MSL2: variants seen among roughly 807,000 people sequenced by gnomAD.
MSL2 encodes the protein MSL complex subunit 2, also known as E3 ubiquitin-protein ligase MSL2.
A neutral mutation model predicts 35.8 loss-of-function variants in MSL2; 2 were observed. That is an observed-to-expected ratio of 0.06 (90% CI 0.02 to 0.18). The LOEUF (loss-of-function observed/expected upper bound fraction) is 0.18. Ranked by LOEUF, MSL2 falls within the 10% of genes least tolerant of loss-of-function variation. The pLI, the probability that MSL2 is intolerant of heterozygous loss-of-function variation, is 1.00. For missense variants in MSL2, 523 were observed against 706.7 expected (o/e 0.74, Z 2.95); for synonymous variants, 296 against 255.7 (o/e 1.16, Z -1.50).
chr3:136,170,999 G>C lies in MSL2; in HGVS notation c.143-18261C>G, dbSNP rs143616585. Among the ~76,000 whole-genome samples, 48 of 152,248 alleles carry C rather than the reference G, an allele frequency of 3.2e-4. 2 individuals carry two copies. The East Asian group carries it at 8.3e-3, about 26-fold the overall frequency. The stretch of plus-strand genomic sequence containing the variant: ...TGTTTGAGAAAGTATTCTACTTTCT[G>C]TTCCATCCCGAAACATGTCCTAATG... On this transcript the variant is annotated intron_variant, in intron 1 of 1. Transcript: ENST00000309993.
At position 136,152,383 on chromosome 3, in the gene MSL2, G is replaced by A; in HGVS notation, c.498C>T (p.Pro166=). The A allele has an allele frequency of 6.2e-7, 1 of 1,614,164 alleles. No individual in the cohort carries two copies. Among genetic ancestry groups the A allele is most frequent in the Non-Finnish European group, 8.5e-7 (1 of 1,180,030 alleles). ...THSPLPSTSE[P]TTDPQASLSP... is the part of the protein sequence containing the mutation. The stretch of plus-strand genomic sequence containing the variant: ...ATAAACTAGCTTGAGGATCAGTTGT[G>A]GGTTCTGAGGTTGAAGGTAAAGGGG... Residue 166 remains proline (P), a synonymous_variant, in exon 2 of 2, where the codon CCC becomes CCT. Coordinates refer to ENST00000309993, the MANE Select transcript of MSL2 (RefSeq NM_018133.4).
intron 1 of MSL2, among the ~76,000 whole-genome samples, chr3:136,194,211 C>T (rs1209682878): frequency 6.6e-6 from 1 of 152,156 alleles, no homozygotes; most frequent in African/African-American, 2.4e-5. Context: ...GCACAGTTAA[C>T]ATTCAAATTA....
In MSL2 at chr3:136,151,441, G is replaced by A. The variant is rs34227370; in HGVS notation, c.1440C>T (p.Arg480=). 676 of 1,614,238 alleles carry A rather than the reference G, an allele frequency of 4.2e-4. 2 individuals are homozygous for A. The Middle Eastern group carries it at 0.014, about 33-fold the overall frequency. ...NPSVLTCRGQ[R]CPCYSNRKAC... ...CTTTGCGGTTAGAGTAGCAAGGGCA[G>A]CGTTGGCCTCGGCATGTAAGAACAC... is the stretch of plus-strand genomic sequence containing the variant. Residue 480 remains arginine, a synonymous_variant, in exon 2 of 2, where the codon CGC becomes CGT. Transcript: ENST00000309993. This position sits in a 1 kb window ranked among gnomAD's most constrained non-coding sequence, Gnocchi z 5.2.
chr3:136,177,022 G>A (rs920987903), intron 1 of MSL2, among the ~76,000 whole-genome samples: 1 of 152,304 alleles, frequency 6.6e-6, no homozygotes, highest in Middle Eastern at 3.4e-3. Flanking sequence ...AGGCTTCCTA[G>A]CCCAAGTCTG....
intron 1 of MSL2, among the ~76,000 whole-genome samples, chr3:136,179,464 A>G (rs1184630430): frequency 2.6e-5 from 4 of 152,226 alleles, no homozygotes; most frequent in Non-Finnish European, 5.9e-5. Context: ...TTACAGCATG[A>G]GCCATCCTGC....
At chr3:136,154,570 GAA>G (rs145034942) in intron 1 of MSL2, among the ~76,000 whole-genome samples, 1 of 145,268 alleles carries the variant, frequency 6.9e-6, no homozygotes, top group African/African-American at 2.5e-5. Flanking sequence ...AAATCAGTGG[GAA>G]AAAAAAAAAT....
At chr3:136,155,842 G>C in intron 1 of MSL2, 3 of 578,186 alleles carry the variant, frequency 5.2e-6, no homozygotes, top group Non-Finnish European at 1.0e-5. Flanking sequence ...GTAAATGCTG[G>C]CATGGCCAGC....
chr3:136,170,460 C>T (rs924544234), intron 1 of MSL2, among the ~76,000 whole-genome samples: 4 of 150,190 alleles, frequency 2.7e-5, no homozygotes, highest in African/African-American at 9.8e-5. Context: ...ATATACTTCA[C>T]AGCTTTCCAT....
chr3:136,195,988 C>G lies in MSL2; in HGVS notation c.-875G>C, dbSNP rs1218860307. The G allele has an allele frequency of 5.9e-5, 13 of 220,416 alleles. No homozygotes were observed. The East Asian group carries it at 2.4e-3, about 40-fold the overall frequency. The allele number at this position is 220,416 out of a possible 1,614,324, so 13.7% of individuals were successfully genotyped here. A position where few individuals can be genotyped will look rare whatever the true frequency, so the allele number is the denominator to read the frequency against. On this transcript the variant is annotated 5_prime_UTR_variant, in exon 1 of 2. Coordinates refer to ENST00000309993, the MANE Select transcript of MSL2 (RefSeq NM_018133.4). Reference sequence around the variant, plus strand: ...CACTGCCCGGCCATTTTTTCGGCGCCACACACACAGACGACTCCTCCGCCG... The same window carrying G: ...CACTGCCCGGCCATTTTTTCGGCGCGACACACACAGACGACTCCTCCGCCG...
intron 1 of MSL2, among the ~76,000 whole-genome samples, chr3:136,184,636 G>C (rs1940462041): frequency 6.6e-6 from 1 of 150,980 alleles, no homozygotes; most frequent in South Asian, 2.1e-4. Flanking sequence ...AGAATTCCAT[G>C]GTTCTGAACA....
intron 1 of MSL2, among the ~76,000 whole-genome samples, chr3:136,166,651 G>A (rs574688760): frequency 7.9e-5 from 12 of 152,246 alleles, no homozygotes; most frequent in Admixed American, 3.3e-4. Flanking sequence ...AAGATTTACA[G>A]AGCAGTGTAA....
intron 1 of MSL2, among the ~76,000 whole-genome samples, chr3:136,192,222 G>C (rs1267559295): frequency 6.6e-6 from 1 of 152,150 alleles, no homozygotes; most frequent in Non-Finnish European, 1.5e-5. Context: ...GCCCAGTCTG[G>C]AGTGCAGTGG....
Position 136,196,150 on chromosome 3 carries a change from C to G in MSL2, c.-1037G>C, listed in dbSNP as rs992947828. 1 of 152,920 alleles carries G rather than the reference C, an allele frequency of 6.5e-6. No individual in the cohort carries two copies. The highest frequency in any genetic ancestry group is 1.5e-5 in the Non-Finnish European group (1 of 68,556). 9.5% of individuals were successfully genotyped at this position (152,920 alleles called of 1,614,324 possible). A position where few individuals can be genotyped will look rare whatever the true frequency, so the allele number is the denominator to read the frequency against. On this transcript the variant is annotated 5_prime_UTR_variant, in exon 1 of 2. Transcript: ENST00000309993. ...CTCCCCCGTGCCTCGCCGCCCTCAC[C>G]CCGACTCCACGCGCCACTCCAGCTC...
intron 1 of MSL2, among the ~76,000 whole-genome samples, chr3:136,187,908 G>T (rs1238076952): frequency 6.6e-6 from 1 of 151,860 alleles, no homozygotes; most frequent in African/African-American, 2.4e-5. Flanking sequence ...GCTTTTAGGT[G>T]ATTTTGATTC....
At chr3:136,183,390 A>AC (rs1940423685) in intron 1 of MSL2, among the ~76,000 whole-genome samples, 1 of 152,212 alleles carries the variant, frequency 6.6e-6, no homozygotes, top group South Asian at 2.1e-4. Context: ...GGGAGGCCCC[A>AC]CCTCTATGAA....
At position 136,195,634 on chromosome 3, in the gene MSL2, G is replaced by A. The variant is rs9845457; in HGVS notation, c.-521C>T. 564,390 of 985,938 alleles carry A rather than the reference G, an allele frequency of 0.57. 168,506 individuals are homozygous for A. Among genetic ancestry groups the A allele is most frequent in the East Asian group, 0.81 (7,131 of 8,824 alleles). The allele number at this position is 985,938 out of a possible 1,614,324, so 61.1% of individuals were successfully genotyped here. On this transcript the variant is annotated 5_prime_UTR_variant, in exon 1 of 2. Coordinates refer to ENST00000309993, the MANE Select transcript of MSL2 (RefSeq NM_018133.4). ...GCGGCGACGGCAAGGACGACGGTCG[G>A]GCAGCGGCTTCCCGGATCTAGTGCA...
Position 136,152,136 on chromosome 3 carries a change from T to G in MSL2, c.745A>C (p.Thr249Pro), listed in dbSNP as rs1200214675. ...CTGAAACTGCAGATATCAATGCCTG[T>G]GGAACATAAGTCAGTGGCTACTGTG... Reference protein sequence around the residue: ...CDTVATDLCSTGIDICSFSED... With the variant: ...CDTVATDLCSPGIDICSFSED... The change falls in exon 2 of 2, where the codon ACA becomes CCA. Residue 249 changes from threonine (T) to proline (P), a missense_variant. Thr to Pro is a conservative substitution (Grantham distance 38). Transcript: ENST00000309993. 1.2e-6 allele frequency: 2 copies of G among 1,614,192 alleles called. No homozygotes were observed. Among genetic ancestry groups the G allele is most frequent in the Admixed American group, 3.3e-5 (2 of 60,014 alleles).
intron 1 of MSL2, among the ~76,000 whole-genome samples, chr3:136,177,680 T>TAAAAAAAAAAAAAAA (rs397738424): frequency 2.5e-5 from 2 of 78,472 alleles, no homozygotes; most frequent in African/African-American, 1.1e-4. Flanking sequence ...CTCCGTCTCA[T>TAAAAAAAAAAAAAAA]AAAAAAAAAA....
At chr3:136,161,816 G>C (rs1939714037) in intron 1 of MSL2, among the ~76,000 whole-genome samples, 1 of 152,008 alleles carries the variant, frequency 6.6e-6, no homozygotes, top group Non-Finnish European at 1.5e-5. Flanking sequence ...TTTAAGACAA[G>C]GCACCAATAG....
Sources: allele counts gnomAD v4.1 joint callset (sites outside exome capture counted in the v4.1 genomes callset), GRCh38; gene constraint gnomAD v4.1.1; non-coding constraint Gnocchi (gnomAD v3.1); transcripts MANE v1.5; gene names NCBI Gene and HGNC (gene_info 2026-07-23, HGNC 2026-07-21).